The following AR variants were observed in gnomAD, a reference collection of about 807,000 sequenced individuals.
AR encodes the protein dihydrotestosterone receptor.
AR carries 8 observed loss-of-function variants against 53.9 expected under a neutral mutation model. That is an observed-to-expected ratio of 0.15 (90% CI 0.09 to 0.27). The LOEUF (loss-of-function observed/expected upper bound fraction) is 0.27, where lower values mean the gene tolerates loss of function less well. AR is among the 10% of genes least tolerant of loss of function. The pLI, the probability that AR is intolerant of heterozygous loss-of-function variation, is 1.00. For missense variants in AR, 639 were observed against 742.5 expected (o/e 0.86, Z 1.62); for synonymous variants, 359 against 316.4 (o/e 1.13, Z -1.43).
Position 67,705,887 on chromosome X carries a change from G to A in AR, c.1886-5515G>A, listed in dbSNP as rs754271507. 1.4e-4 allele frequency among the ~76,000 whole-genome samples: 16 copies of A among 111,642 alleles called. 2 individuals are homozygous for A. In the South Asian group the frequency reaches 3.8e-3, roughly 26 times the overall value. ...TTGAATTTTGTCAAAGGCCTTTTCT[G>A]CATCTATTGAGATAATCATGTGGTT... On this transcript the variant is annotated intron_variant, in intron 3 of 7. Coordinates refer to ENST00000374690, the MANE Select transcript of AR (RefSeq NM_000044.6).
At chrX:67,701,200 T>G (rs1274975390) in intron 3 of AR, among the ~76,000 whole-genome samples, 1 of 112,113 alleles carries the variant, frequency 8.9e-6, no homozygotes, top group Non-Finnish European at 1.9e-5. Flanking sequence ...ATTAATTTAA[T>G]TTTTTAAAAT....
At chrX:67,669,248 C>A (rs1222686915) in intron 2 of AR, among the ~76,000 whole-genome samples, 3 of 110,859 alleles carry the variant, frequency 2.7e-5, no homozygotes, top group African/African-American at 9.8e-5. Flanking sequence ...TAGTATGTTT[C>A]CAATTTGGTA....
chrX:67,729,931 A>AT lies in AR; in HGVS notation c.*6091dup, dbSNP rs1444534797. 5.9e-6 allele frequency: 1 copy of AT among 170,667 alleles called. No homozygotes were observed. The highest frequency in any genetic ancestry group is 1.1e-5 in the Non-Finnish European group (1 of 90,235). 14.1% of individuals were successfully genotyped at this position (170,667 alleles called of 1,213,427 possible). A position where few individuals can be genotyped will look rare whatever the true frequency, so the allele number is the denominator to read the frequency against. ...AGTGCCTGGGGGGTTGTCCTATCCC[A>AT]TAAGCCACTTGGATGCTGACAGCAG... On this transcript the variant is annotated 3_prime_UTR_variant, in exon 8 of 8. Transcript: ENST00000374690.
chrX:67,726,994 C>T lies in AR; in HGVS notation c.*3153C>T. The T allele has an allele frequency of 5.8e-6, 1 of 173,304 alleles. No individual in the cohort carries two copies. The highest frequency in any genetic ancestry group is 1.1e-5 in the Non-Finnish European group (1 of 90,038). The allele number at this position is 173,304 out of a possible 1,213,427, so 14.3% of individuals were successfully genotyped here. A position where few individuals can be genotyped will look rare whatever the true frequency, so the allele number is the denominator to read the frequency against. ...GAGTGAGGAAGAGAAAAAGAAGGAG[C>T]ACCAGGGAGAAGGCTCCGTCTGTGC... On this transcript the variant is annotated 3_prime_UTR_variant, in exon 8 of 8. Coordinates refer to ENST00000374690, the MANE Select transcript of AR (RefSeq NM_000044.6).
chrX:67,671,275 A>G (rs1400012636), intron 2 of AR, among the ~76,000 whole-genome samples: 1 of 111,124 alleles, frequency 9.0e-6, no homozygotes, highest in Non-Finnish European at 1.9e-5. Flanking sequence ...TTGTTTCCTG[A>G]CTTTTTAATC....
At chrX:67,695,670 G>A (rs2076016340) in intron 3 of AR, 3 of 752,755 alleles carry the variant, frequency 4.0e-6, no homozygotes, top group Non-Finnish European at 4.7e-6. Context: ...AAACACACAT[G>A]TGAGAGTCAG....
rs774257103 is a variant in AR, at chrX:67,723,784, G to T, written c.2706G>T (p.Val902=). The T allele has an allele frequency of 8.3e-7, 1 of 1,210,879 alleles. No homozygotes were observed. Among genetic ancestry groups the T allele is most frequent in the South Asian group, 1.8e-5 (1 of 56,904 alleles). The change falls in exon 8 of 8, where the codon GTG becomes GTT. Residue 902 remains valine, a synonymous_variant. Coordinates refer to ENST00000374690, the MANE Select transcript of AR (RefSeq NM_000044.6). The part of the protein sequence containing the change: ...FPEMMAEIIS[V]QVPKILSGKV... ...AAATGATGGCAGAGATCATCTCTGT[G>T]CAAGTGCCCAAGATCCTTTCTGGGA...
At chrX:67,704,323 T>A (rs1229628945) in intron 3 of AR, among the ~76,000 whole-genome samples, 3 of 112,267 alleles carry the variant, frequency 2.7e-5, no homozygotes, top group African/African-American at 9.7e-5. Context: ...TCCTGACTTT[T>A]TAATGATCGC....
intron 1 of AR, among the ~76,000 whole-genome samples, chrX:67,623,339 A>G (rs1924467833): frequency 8.9e-6 from 1 of 111,960 alleles, no homozygotes; most frequent in African/African-American, 3.2e-5. Flanking sequence ...GAAATAATAA[A>G]CAATTAGTAA....
At chrX:67,578,132 G>GT (rs984895950) in intron 1 of AR, among the ~76,000 whole-genome samples, 18 of 110,978 alleles carry the variant, frequency 1.6e-4, no homozygotes, top group African/African-American at 2.9e-4. Context: ...TTTGTGTTGT[G>GT]TTTTTTTTAC....
At chrX:67,689,104 T>C (rs1286494394) in intron 3 of AR, among the ~76,000 whole-genome samples, 1 of 111,482 alleles carries the variant, frequency 9.0e-6, no homozygotes, top group Non-Finnish European at 1.9e-5. Flanking sequence ...ATCATAGAAC[T>C]GGAATTGTGG....
intron 1 of AR, among the ~76,000 whole-genome samples, chrX:67,589,190 GA>G (rs1235902931): frequency 9.1e-6 from 1 of 109,445 alleles, no homozygotes; most frequent in African/African-American, 3.3e-5. Context: ...GTGAACCCGG[GA>G]AGCGGAGCTT....
chrX:67,666,859 T>C (rs1927289533), intron 2 of AR, among the ~76,000 whole-genome samples: 1 of 111,817 alleles, frequency 8.9e-6, no homozygotes, highest in African/African-American at 3.3e-5. Flanking sequence ...GTATGTTTTA[T>C]TTTGAGAGAT....
intron 1 of AR, among the ~76,000 whole-genome samples, chrX:67,565,937 C>T (rs1921539059): frequency 8.9e-6 from 1 of 111,924 alleles, no homozygotes; most frequent in Non-Finnish European, 1.9e-5. Flanking sequence ...AAGTGATCCA[C>T]CTCCATTGGC....
chrX:67,639,291 G>A (rs1222729204), intron 1 of AR, among the ~76,000 whole-genome samples: 1 of 111,881 alleles, frequency 8.9e-6, no homozygotes, highest in Non-Finnish European at 1.9e-5. Flanking sequence ...AATTGCCTTG[G>A]CTATGCAGGC....
intron 1 of AR, among the ~76,000 whole-genome samples, chrX:67,581,665 G>A (rs776804243): frequency 1.4e-4 from 16 of 111,065 alleles, no homozygotes; most frequent in African/African-American, 5.2e-4. Context: ...TATTCTTCAC[G>A]ATATTCAAGA....
At chrX:67,617,669 A>T (rs1214526963) in intron 1 of AR, among the ~76,000 whole-genome samples, 1 of 111,819 alleles carries the variant, frequency 8.9e-6, no homozygotes, top group Non-Finnish European at 1.9e-5. Flanking sequence ...AATGTGCTTT[A>T]TGTGCTTGAA....
chrX:67,696,090 A>G (rs1451464198), intron 3 of AR: 21 of 744,066 alleles, frequency 2.8e-5, no homozygotes, highest in Non-Finnish European at 3.3e-5. Flanking sequence ...GTATTTTCTT[A>G]TTTACAACAG....
intron 3 of AR, among the ~76,000 whole-genome samples, chrX:67,686,920 A>T (rs1159936520): frequency 1.9e-5 from 2 of 107,936 alleles, no homozygotes; most frequent in Non-Finnish European, 3.8e-5. Context: ...CCCTCTCCAA[A>T]CTCCCCCATC....
Sources: gnomAD v4.1 joint callset for allele counts (sites outside exome capture counted in the v4.1 genomes callset) on GRCh38, gnomAD v4.1.1 for gene constraint, MANE v1.5 for transcripts, NCBI Gene and HGNC (gene_info 2026-07-23, HGNC 2026-07-21) for gene names.